VOPP1: variants seen among roughly 807,000 people sequenced by gnomAD.
VOPP1 encodes VOPP1 WW domain binding protein, also known as WW domain binding protein VOPP1.
A neutral mutation model predicts 23.5 loss-of-function variants in VOPP1; 8 were observed. That is an observed-to-expected ratio of 0.34 (90% CI 0.20 to 0.61). The LOEUF is 0.61. VOPP1 is among the 20% of genes least tolerant of loss of function. VOPP1 has a pLI of 0.78. For synonymous variants in VOPP1, 83 were observed against 97.3 expected (o/e 0.85, Z 0.86); for missense variants, 174 against 238.1 (o/e 0.73, Z 1.77).
chr7:55,486,897 C>G (rs1372853093), intron 4 of VOPP1, among the ~76,000 whole-genome samples: 1 of 152,196 alleles, frequency 6.6e-6, no homozygotes, highest in Non-Finnish European at 1.5e-5. Context: ...CCCCCAAGGC[C>G]ACACACCCTG....
At chr7:55,524,478 G>A (rs1444510615) in intron 1 of VOPP1, among the ~76,000 whole-genome samples, 5 of 152,152 alleles carry the variant, frequency 3.3e-5, no homozygotes, top group Admixed American at 6.5e-5. Flanking sequence ...GACTTTTGTA[G>A]CAGCTTTCTC....
At chr7:55,517,116 A>C (rs529642030) in intron 2 of VOPP1, among the ~76,000 whole-genome samples, 5 of 149,266 alleles carry the variant, frequency 3.3e-5, no homozygotes, top group Admixed American at 3.3e-4. Context: ...ATATATATAT[A>C]TTTTTTTATT....
intron 1 of VOPP1, among the ~76,000 whole-genome samples, chr7:55,554,566 A>T (rs542198929): frequency 6.6e-6 from 1 of 152,320 alleles, no homozygotes; most frequent in African/African-American, 2.4e-5. Flanking sequence ...TGAGTAAAAA[A>T]TTGCAGAACT....
intron 4 of VOPP1, among the ~76,000 whole-genome samples, chr7:55,474,158 C>T (rs1792058712): frequency 6.6e-6 from 1 of 152,224 alleles, no homozygotes; most frequent in Admixed American, 6.5e-5. Context: ...GAGGCTGCCT[C>T]GCCCTGCATC....
rs1406706359 is a variant in VOPP1, at chr7:55,497,747, CCA to C, written c.114-59_114-58del. 3 of 1,499,556 alleles carry C rather than the reference CCA, an allele frequency of 2.0e-6. No individual in the cohort carries two copies. The East Asian group carries it at 6.8e-5, about 34-fold the overall frequency. 92.9% of individuals were successfully genotyped at this position (1,499,556 alleles called of 1,614,324 possible). A position where few individuals can be genotyped will look rare whatever the true frequency, so the allele number is the denominator to read the frequency against. ...GAATTGGAAGCAGCCACCGGACCAG[CCA>C]TGCGGCCCAGGCTGGGCTTCAATGT... On this transcript the variant is annotated intron_variant, in intron 2 of 4. Transcript: ENST00000285279.
chr7:55,448,919 A>G (rs111611034), intron 4 of VOPP1, among the ~76,000 whole-genome samples: 2,468 of 152,260 alleles, frequency 0.016, 71 homozygotes, highest in African/African-American at 0.055. Flanking sequence ...GGTTAAATAA[A>G]CTGGAACAGT....
intron 4 of VOPP1, among the ~76,000 whole-genome samples, chr7:55,488,047 T>C (rs545489489): frequency 1.7e-4 from 26 of 152,202 alleles, no homozygotes; most frequent in Non-Finnish European, 3.4e-4. Context: ...AATAAATGAA[T>C]GAAGACAATT....
intron 2 of VOPP1, among the ~76,000 whole-genome samples, chr7:55,501,473 T>C (rs980610891): frequency 2.6e-5 from 4 of 152,228 alleles, no homozygotes; most frequent in Non-Finnish European, 5.9e-5. Flanking sequence ...TGGAAGATTC[T>C]GGGTGGCCCT....
At chr7:55,491,770 G>A (rs1320118074) in intron 4 of VOPP1, among the ~76,000 whole-genome samples, 1 of 152,214 alleles carries the variant, frequency 6.6e-6, no homozygotes, top group Non-Finnish European at 1.5e-5. Context: ...AATGTCTATT[G>A]CTATGGTCTT....
chr7:55,443,158 A>G (rs867867596), intron 4 of VOPP1, among the ~76,000 whole-genome samples: 34 of 152,272 alleles, frequency 2.2e-4, no homozygotes, highest in African/African-American at 7.7e-4. Flanking sequence ...TAAAAAGCAA[A>G]TGGAATTAAA....
chr7:55,544,256 C>T (rs1466121181), intron 1 of VOPP1, among the ~76,000 whole-genome samples: 1 of 152,188 alleles, frequency 6.6e-6, no homozygotes, highest in East Asian at 1.9e-4. Flanking sequence ...CTGTGTTAAT[C>T]TGTAAAACAC....
At chr7:55,536,254 C>T (rs907615928) in intron 1 of VOPP1, among the ~76,000 whole-genome samples, 5 of 152,322 alleles carry the variant, frequency 3.3e-5, no homozygotes, top group African/African-American at 9.6e-5. Context: ...CAAGGCCGGG[C>T]GTGGTGGCTC....
At chr7:55,533,496 G>A (rs555800049) in intron 1 of VOPP1, among the ~76,000 whole-genome samples, 110 of 152,182 alleles carry the variant, frequency 7.2e-4, no homozygotes, top group African/African-American at 1.4e-3. Flanking sequence ...AGAGATGACC[G>A]TGGTTGACTG....
intron 2 of VOPP1, among the ~76,000 whole-genome samples, chr7:55,503,506 T>C (rs1794505527): frequency 6.6e-6 from 1 of 152,224 alleles, no homozygotes. Context: ...AAAATCTTTC[T>C]ATGTAAAAAA....
At chr7:55,540,742 C>T (rs554408708) in intron 1 of VOPP1, among the ~76,000 whole-genome samples, 1 of 152,350 alleles carries the variant, frequency 6.6e-6, no homozygotes, top group Non-Finnish European at 1.5e-5. Flanking sequence ...TTCACCTCCG[C>T]TGCGGCCTCA....
At chr7:55,473,556 G>C (rs529671186) in intron 4 of VOPP1, among the ~76,000 whole-genome samples, 1 of 152,172 alleles carries the variant, frequency 6.6e-6, no homozygotes, top group Non-Finnish European at 1.5e-5. Flanking sequence ...GCTGATTGAC[G>C]CTCCATGGGT....
At chr7:55,511,225 G>A (rs1324982419) in intron 2 of VOPP1, among the ~76,000 whole-genome samples, 1 of 152,230 alleles carries the variant, frequency 6.6e-6, no homozygotes. Context: ...GGCGGGGACA[G>A]TTTGAAACAG....
chr7:55,533,348 C>T (rs1258072866), intron 1 of VOPP1, among the ~76,000 whole-genome samples: 1 of 152,114 alleles, frequency 6.6e-6, no homozygotes, highest in Non-Finnish European at 1.5e-5. Context: ...CTTCCCCACT[C>T]AGGAAGGGCA....
At chr7:55,486,033 C>T (rs117841542) in intron 4 of VOPP1, among the ~76,000 whole-genome samples, 1,756 of 152,360 alleles carry the variant, frequency 0.012, 12 homozygotes, top group Middle Eastern at 0.02. Flanking sequence ...ACCCTTGGTA[C>T]GTGCAGTGTG....
Sources: gnomAD v4.1 joint callset for allele counts (sites outside exome capture counted in the v4.1 genomes callset) on GRCh38, gnomAD v4.1.1 for gene constraint, MANE v1.5 for transcripts, NCBI Gene and HGNC (gene_info 2026-07-23, HGNC 2026-07-21) for gene names.